BCL2L14: variants seen among roughly 807,000 people sequenced by gnomAD.
BCL2L14 encodes BCL2 like 14, also known as apoptosis facilitator Bcl-2-like protein 14.
A neutral mutation model predicts 35.3 loss-of-function variants in BCL2L14; 27 were observed. The ratio of observed to expected loss-of-function variants is 0.76; its 90% CI spans 0.56 to 1.05. BCL2L14 has a LOEUF of 1.05. Ranked by LOEUF, BCL2L14 falls within the 50% of genes least tolerant of loss-of-function variation. The pLI, the probability that BCL2L14 is intolerant of heterozygous loss-of-function variation, is 0.00. For synonymous variants in BCL2L14, 139 were observed against 145.9 expected, an observed-to-expected ratio of 0.95 and a Z score of 0.34; for missense variants, 377 against 382.6, an observed-to-expected ratio of 0.99 and a Z score of 0.12.
intron 2 of BCL2L14, among the ~76,000 whole-genome samples, chr12:12,059,920 G>C (rs570596342): frequency 6.6e-6 from 1 of 152,150 alleles, no homozygotes; most frequent in Non-Finnish European, 1.5e-5. Flanking sequence ...CTGATGTCCA[G>C]GCATTCTTTT....
intron 4 of BCL2L14, 97 bp from the exon 5 acceptor site, chr12:12,094,567 G>C (rs1471843585): frequency 6.2e-7 from 1 of 1,614,098 alleles, no homozygotes; most frequent in African/African-American, 1.3e-5. Context: ...GTTTTCCACA[G>C]GATGGTTTGA....
At chr12:12,092,229 T>A (rs1565486292) in intron 4 of BCL2L14, among the ~76,000 whole-genome samples, 1 of 152,146 alleles carries the variant, frequency 6.6e-6, no homozygotes, top group Non-Finnish European at 1.5e-5. Context: ...AGGCCACCGA[T>A]CTCAGGTTAT....
chr12:12,098,926 TA>T (rs1433675996), intron 5 of BCL2L14, 23 bp from the exon 6 acceptor site: 1 of 1,537,752 alleles, frequency 6.5e-7, no homozygotes, highest in Admixed American at 1.7e-5. Flanking sequence ...CTTGGAATTT[TA>T]AGAACCTATT....
chr12:12,064,576 G>A lies in BCL2L14; in HGVS notation c.-272+12729G>A, dbSNP rs563965377. ...CCTCTTTGGAGCCATGGCCACAACA[G>A]CATGCCTATCTTTACTCTAAAAATT... On this transcript the variant is annotated intron_variant, in intron 2 of 3. Transcript: ENST00000461264. Among the ~76,000 whole-genome samples, 56 of 152,274 alleles carry A rather than the reference G, an allele frequency of 3.7e-4. No homozygotes were observed. In the South Asian group the frequency reaches 0.011, roughly 31 times the overall value.
At chr12:12,087,620 TCTC>T (rs537599457) in intron 3 of BCL2L14, among the ~76,000 whole-genome samples, 16 of 152,238 alleles carry the variant, frequency 1.1e-4, no homozygotes, top group Non-Finnish European at 1.8e-4. Context: ...GAAAGGAAAG[TCTC>T]CTACAGAGGG....
intron 1 of BCL2L14, among the ~76,000 whole-genome samples, chr12:12,078,835 T>C (rs565398527): frequency 6.6e-6 from 1 of 151,908 alleles, no homozygotes; most frequent in East Asian, 1.9e-4. Flanking sequence ...TCTCACTCTG[T>C]CGCCAGGCTG....
At chr12:12,093,779 T>G (rs1234882690) in intron 4 of BCL2L14, among the ~76,000 whole-genome samples, 17 of 104,920 alleles carry the variant, frequency 1.6e-4, no homozygotes, top group East Asian at 2.6e-4. Context: ...GGCAAGAGAG[T>G]GAGACTCCAT....
intron 2 of BCL2L14, among the ~76,000 whole-genome samples, chr12:12,062,368 G>A (rs1208052097): frequency 6.9e-6 from 1 of 145,774 alleles, no homozygotes; most frequent in Non-Finnish European, 1.5e-5. Flanking sequence ...TTGATTTATT[G>A]ATGGCGGTTC....
intron 1 of BCL2L14, among the ~76,000 whole-genome samples, chr12:12,050,291 G>C (rs550353548): frequency 5.3e-5 from 8 of 152,154 alleles, no homozygotes; most frequent in Admixed American, 5.2e-4. Flanking sequence ...CAATTAGCTG[G>C]GCGTGGTGGC....
chr12:12,074,929 C>T (rs1948746846), intron 1 of BCL2L14, among the ~76,000 whole-genome samples: 2 of 151,958 alleles, frequency 1.3e-5, no homozygotes, highest in Admixed American at 1.3e-4. Flanking sequence ...AGGTGTGAGC[C>T]ACGGTGCCAG....
chr12:12,080,500 T>G (rs561391654), intron 2 of BCL2L14, among the ~76,000 whole-genome samples: 1 of 147,702 alleles, frequency 6.8e-6, no homozygotes, highest in East Asian at 2.1e-4. Context: ...CATGCTTGTA[T>G]TCCCAGCTAC....
chr12:12,077,418 G>T (rs1591819681), intron 1 of BCL2L14, among the ~76,000 whole-genome samples: 1 of 151,770 alleles, frequency 6.6e-6, no homozygotes, highest in Non-Finnish European at 1.5e-5. Context: ...GGTGGCATGT[G>T]CCTGTGTTCC....
chr12:12,079,776 T>C, intron 2 of BCL2L14, 38 bp downstream of exon 2: 1 of 1,587,176 alleles, frequency 6.3e-7, no homozygotes, highest in South Asian at 1.2e-5. Flanking sequence ...CGCTTCCTGG[T>C]TTTTCCCTTC....
chr12:12,096,102 A>G, intron 5 of BCL2L14: 1 of 985,384 alleles, frequency 1.0e-6, no homozygotes, highest in East Asian at 1.1e-4. Context: ...CTTCCAGCTC[A>G]AAGGCTGCAC....
intron 1 of BCL2L14, among the ~76,000 whole-genome samples, chr12:12,074,866 A>G (rs558660597): frequency 6.6e-6 from 1 of 152,224 alleles, no homozygotes; most frequent in East Asian, 1.9e-4. Flanking sequence ...TGGTCTCCAA[A>G]TCCAGGTCTC....
upstream of BCL2L14, among the ~76,000 whole-genome samples, chr12:12,067,499 C>T (rs1249233681): frequency 6.6e-6 from 1 of 151,834 alleles, no homozygotes; most frequent in Non-Finnish European, 1.5e-5. Context: ...TGCAGTGAGC[C>T]GAGATCGTGC....
At chr12:12,057,479 C>T (rs568173962) in intron 2 of BCL2L14, among the ~76,000 whole-genome samples, 7 of 152,142 alleles carry the variant, frequency 4.6e-5, no homozygotes, top group South Asian at 2.1e-4. Context: ...TGAAGAGAGC[C>T]GGGCTCGGTG....
intron 3 of BCL2L14, among the ~76,000 whole-genome samples, chr12:12,089,470 C>T (rs1018976333): frequency 7.9e-5 from 12 of 151,242 alleles, no homozygotes; most frequent in Admixed American, 2.0e-4. Flanking sequence ...CCGAGGCGGA[C>T]GGATCTCTTG....
chr12:12,050,437 A>G (rs1948332804), intron 1 of BCL2L14, among the ~76,000 whole-genome samples: 1 of 118,228 alleles, frequency 8.5e-6, no homozygotes, highest in Non-Finnish European at 1.8e-5. Context: ...CATCTCAAAA[A>G]AAAAAAAAAA....
Sources: allele counts gnomAD v4.1 joint callset (sites outside exome capture counted in the v4.1 genomes callset), GRCh38; gene constraint gnomAD v4.1.1; transcripts MANE v1.5; gene names NCBI Gene and HGNC (gene_info 2026-07-23, HGNC 2026-07-21).